The following THADA variants were observed in gnomAD, a reference collection of about 807,000 sequenced individuals.
THADA encodes the protein THADA armadillo repeat containing, also known as tRNA (32-2'-O)-methyltransferase regulator THADA.
Under a neutral mutation model 219.8 loss-of-function variants are expected in THADA, and 213 were observed. That is an observed-to-expected ratio of 0.97 (90% CI 0.87 to 1.09). THADA has a LOEUF of 1.09. Among genes scored for constraint, THADA ranks in the 50% least tolerant of loss-of-function variants. THADA has a pLI of 0.00. For synonymous variants in THADA, 1,018 were observed against 828.9 expected, an observed-to-expected ratio of 1.23 and a Z score of -3.92; for missense variants, 2,956 against 2,311.3, an observed-to-expected ratio of 1.28 and a Z score of -5.72.
intron 37 of THADA, among the ~76,000 whole-genome samples, chr2:43,231,912 T>C (rs1667469464): frequency 6.6e-6 from 1 of 152,208 alleles, no homozygotes; most frequent in Admixed American, 6.5e-5. Context: ...CTGAGTCAGA[T>C]GCTGGTGGCG....
chr2:43,553,906 GT>G (rs1163246496), intron 17 of THADA, among the ~76,000 whole-genome samples: 2 of 152,168 alleles, frequency 1.3e-5, no homozygotes, highest in Non-Finnish European at 2.9e-5. Context: ...CATTGTTCAT[GT>G]GTATATCTTC....
At chr2:43,454,181 C>T (rs1305575080) in intron 26 of THADA, among the ~76,000 whole-genome samples, 1 of 152,116 alleles carries the variant, frequency 6.6e-6, no homozygotes, top group Non-Finnish European at 1.5e-5. Flanking sequence ...CTTTTCTTCC[C>T]TTTAGTTATA....
intron 12 of THADA, among the ~76,000 whole-genome samples, chr2:43,572,401 C>G (rs1433997121): frequency 6.6e-6 from 1 of 152,216 alleles, no homozygotes; most frequent in East Asian, 1.9e-4. Context: ...AATCATCCTC[C>G]AGACCTTGCT....
chr2:43,395,335 A>G (rs895902993), intron 29 of THADA, among the ~76,000 whole-genome samples: 22 of 152,218 alleles, frequency 1.4e-4, no homozygotes, highest in African/African-American at 4.8e-4. Flanking sequence ...GTCTGACACA[A>G]TCAAGAGATG....
chr2:43,437,357 A>C (rs1680255432), intron 26 of THADA, among the ~76,000 whole-genome samples: 1 of 152,212 alleles, frequency 6.6e-6, no homozygotes. Flanking sequence ...CAAAAACTTC[A>C]AAAGACAGCC....
intron 26 of THADA, among the ~76,000 whole-genome samples, chr2:43,468,875 T>C (rs1198781149): frequency 6.6e-6 from 1 of 152,176 alleles, no homozygotes; most frequent in Admixed American, 6.5e-5. Context: ...ATTTTATGAT[T>C]GACCCTGAGA....
At chr2:43,499,765 A>G (rs1688704766) in intron 24 of THADA, among the ~76,000 whole-genome samples, 1 of 152,130 alleles carries the variant, frequency 6.6e-6, no homozygotes, top group Non-Finnish European at 1.5e-5. Context: ...CGCTACCTAC[A>G]TATCAATACT....
In THADA at chr2:43,286,943, G is replaced by A. The variant is rs1430630406; in HGVS notation, c.5129C>T (p.Thr1710Ile). Residue 1710 changes from threonine to isoleucine, a missense_variant, in exon 35 of 38, where the codon ACA (threonine) becomes ATA (isoleucine). Thr to Ile is a moderately conservative substitution (Grantham distance 89). Transcript: ENST00000405975. The part of the protein sequence containing the change: ...LAVVEVLTST[T>I]PLFLTNPHPI... ...ATGGGGGTTGGTGAGGAAAAGTGGTGTAGTACTGGTGAGGACTTCAACGAC... is the reference window on the plus strand; with the variant it reads ...ATGGGGGTTGGTGAGGAAAAGTGGTATAGTACTGGTGAGGACTTCAACGAC... 7 of 1,613,930 alleles carry A rather than the reference G, an allele frequency of 4.3e-6. No individual in the cohort carries two copies. Among genetic ancestry groups the A allele is most frequent in the Middle Eastern group, 3.3e-4 (2 of 6,062 alleles).
chr2:43,580,256 G>T (rs1009572843), intron 8 of THADA, among the ~76,000 whole-genome samples: 1 of 151,734 alleles, frequency 6.6e-6, no homozygotes, highest in Non-Finnish European at 1.5e-5. Context: ...GGCCAGAATG[G>T]TCTCAATCTC....
rs144423551 is a variant in THADA, at chr2:43,576,232, A to T, written c.1037+790T>A. ...GCATAATATAGCTCAAATATGTAAA[A>T]AATTATTTTAGTTTTCCTCCTTTAT... On this transcript the variant is annotated intron_variant, in intron 10 of 37. Coordinates refer to ENST00000405975, the MANE Select transcript of THADA (RefSeq NM_022065.5). Among the ~76,000 whole-genome samples the T allele has an allele frequency of 5.8e-3, 878 of 152,350 alleles. 15 individuals are homozygous for T. Among genetic ancestry groups the T allele is most frequent in the African/African-American group, 0.02 (828 of 41,578 alleles).
At chr2:43,361,290 T>A (rs1310562645) in intron 29 of THADA, among the ~76,000 whole-genome samples, 1 of 152,230 alleles carries the variant, frequency 6.6e-6, no homozygotes, top group Non-Finnish European at 1.5e-5. Context: ...AAAATAAAGC[T>A]AATAATACAA....
chr2:43,549,086 A>T lies in THADA; in HGVS notation c.3106+124T>A, dbSNP rs533802969. 252 of 950,194 alleles carry T rather than the reference A, an allele frequency of 2.7e-4. 2 individuals carry two copies. The African/African-American group carries it at 3.8e-3, about 14-fold the overall frequency. 58.9% of individuals were successfully genotyped at this position (950,194 alleles called of 1,614,324 possible). Reference sequence around the variant, plus strand: ...TTTCCCAAAACAAAATTTTTAAAAAACTTTATTTTCTAGAAATGTTCTGCA... The same window carrying T: ...TTTCCCAAAACAAAATTTTTAAAAATCTTTATTTTCTAGAAATGTTCTGCA... On this transcript the variant is annotated intron_variant, in intron 20 of 37. Coordinates refer to ENST00000405975, the MANE Select transcript of THADA (RefSeq NM_022065.5).
intron 24 of THADA, among the ~76,000 whole-genome samples, chr2:43,502,967 T>C (rs929699664): frequency 2.0e-5 from 3 of 152,100 alleles, no homozygotes; most frequent in African/African-American, 7.2e-5. Context: ...CTAATAAACA[T>C]ATGAAAAGAT....
At chr2:43,245,437 T>C (rs929456826) in intron 36 of THADA, among the ~76,000 whole-genome samples, 1 of 152,166 alleles carries the variant, frequency 6.6e-6, no homozygotes, top group African/African-American at 2.4e-5. Context: ...CCTCCCAACG[T>C]GCTGGGATTA....
intron 20 of THADA, among the ~76,000 whole-genome samples, 191 bp downstream of exon 20, chr2:43,549,019 C>T (rs1696431351): frequency 6.6e-6 from 1 of 152,206 alleles, no homozygotes; most frequent in Admixed American, 6.5e-5. Flanking sequence ...TGGCTCCACC[C>T]CCCTGGTAAA....
Position 43,556,355 on chromosome 2 carries a change from G to A in THADA, c.2664C>T (p.Asn888=), listed in dbSNP as rs1697342806. 1 of 1,613,778 alleles carries A rather than the reference G, an allele frequency of 6.2e-7. No individual in the cohort carries two copies. The highest frequency in any genetic ancestry group is 1.3e-5 in the African/African-American group (1 of 75,030). The change falls in exon 17 of 38, where the codon AAC becomes AAT. Residue 888 remains asparagine (N), a synonymous_variant. Transcript: ENST00000405975. ...GDRPAAVVER[N]TLMVIKCLME... is the part of the protein sequence containing the mutation. ...AACATCAATACAAACCCATTAATGT[G>A]TTCCTTTCCACCACAGCAGCAGGCC...
chr2:43,494,682 A>G (rs1409262939), intron 25 of THADA, among the ~76,000 whole-genome samples: 1 of 152,220 alleles, frequency 6.6e-6, no homozygotes, highest in East Asian at 1.9e-4. Context: ...GAAATACTCA[A>G]TAAGACAGCC....
chr2:43,364,664 G>A (rs368271756), intron 29 of THADA, among the ~76,000 whole-genome samples: 20 of 152,316 alleles, frequency 1.3e-4, no homozygotes, highest in South Asian at 4.1e-4. Context: ...CTTATGACGC[G>A]CCTGACTTGT....
At chr2:43,499,775 T>A (rs886203371) in intron 24 of THADA, among the ~76,000 whole-genome samples, 4 of 152,128 alleles carry the variant, frequency 2.6e-5, no homozygotes, top group African/African-American at 9.7e-5. Context: ...ATATCAATAC[T>A]TGTAGGATGC....
Sources: allele counts gnomAD v4.1 joint callset (sites outside exome capture counted in the v4.1 genomes callset), GRCh38; gene constraint gnomAD v4.1.1; transcripts MANE v1.5; gene names NCBI Gene and HGNC (gene_info 2026-07-23, HGNC 2026-07-21).